The following ZFHX3 variants were observed in gnomAD, a reference collection of about 807,000 sequenced individuals.
ZFHX3 encodes zinc finger homeobox protein 3.
In ZFHX3, 42 loss-of-function variants were observed where a neutral mutation model predicts 279.1. The ratio of observed to expected loss-of-function variants is 0.15; its 90% CI spans 0.12 to 0.19. The LOEUF (loss-of-function observed/expected upper bound fraction) is 0.19, where lower values mean the gene tolerates loss of function less well. ZFHX3 is among the 10% of genes least tolerant of loss of function. The pLI is 1.00. For missense variants in ZFHX3, 4,981 were observed against 4,754.0 expected, an observed-to-expected ratio of 1.05 and a Z score of -1.40; for synonymous variants, 2,293 against 1,957.8, an observed-to-expected ratio of 1.17 and a Z score of -4.52.
At chr16:72,976,973 T>C (rs1348724675) in intron 1 of ZFHX3, among the ~76,000 whole-genome samples, 1 of 152,212 alleles carries the variant, frequency 6.6e-6, no homozygotes, top group African/African-American at 2.4e-5. Flanking sequence ...ATATTTTAGG[T>C]TGACCATTTC....
chr16:72,806,829 T>C (rs1597256451), intron 7 of ZFHX3, among the ~76,000 whole-genome samples: 1 of 152,002 alleles, frequency 6.6e-6, no homozygotes, highest in Non-Finnish European at 1.5e-5. Context: ...AATTAAGAAC[T>C]ACCAAAGGGA....
chr16:73,171,554 C>T (rs58523152), intron 5 of ZFHX3, among the ~76,000 whole-genome samples: 1 of 151,958 alleles, frequency 6.6e-6, no homozygotes, highest in Non-Finnish European at 1.5e-5. Context: ...ATTTCACAGC[C>T]GCAAAGGGGA....
chr16:73,110,473 T>A (rs1208590918), intron 7 of ZFHX3, among the ~76,000 whole-genome samples: 3 of 152,256 alleles, frequency 2.0e-5, no homozygotes, highest in African/African-American at 7.2e-5. Flanking sequence ...TATGTAATTT[T>A]AAAAACATAT....
chr16:73,821,186 A>G (rs1450666779), intron 1 of ZFHX3, among the ~76,000 whole-genome samples: 1 of 152,198 alleles, frequency 6.6e-6, no homozygotes, highest in Non-Finnish European at 1.5e-5. Flanking sequence ...AATCTGTAAA[A>G]TGTTATACTC....
rs190486809 is a variant in ZFHX3 at position 73,814,612 on chromosome 16, G to A, written c.-1608+77039C>T. ...GATGGAGTTTCGCTCTTGTTGCCCA[G>A]GCTGGAGTGCAGTGGCGCAATCTCA... On this transcript the variant is annotated intron_variant, in intron 1 of 17. Coordinates refer to the ZFHX3 transcript ENST00000641206. Among the ~76,000 whole-genome samples, 912 of 150,316 alleles carry A rather than the reference G, an allele frequency of 6.1e-3. 9 individuals are homozygous for A. Among genetic ancestry groups the A allele is most frequent in the African/African-American group, 0.02 (834 of 40,784 alleles).
In ZFHX3 at chr16:72,787,743, ACCGCCGCCGCCG is replaced by A; in HGVS notation, c.10521_10532del (p.Gly3509_Gly3512del). The A allele has an allele frequency of 7.3e-7, 1 of 1,376,206 alleles. No individual in the cohort carries two copies. The highest frequency in any genetic ancestry group is 9.5e-7 in the Non-Finnish European group (1 of 1,052,098). The allele number at this position is 1,376,206 out of a possible 1,614,324, so 85.2% of individuals were successfully genotyped here. ...CACCGCCGCCGCCGCCGCCACTGCC[ACCGCCGCCGCCG>A]CCGGTGGGGACGTGAAGCACCATCT... On this transcript the variant is annotated inframe_deletion, in exon 10 of 10. Transcript: ENST00000268489.
chr16:73,209,657 G>T (rs1208742362), intron 5 of ZFHX3, among the ~76,000 whole-genome samples: 1 of 152,116 alleles, frequency 6.6e-6, no homozygotes, highest in African/African-American at 2.4e-5. Context: ...TCAAACTATA[G>T]CTGGTATTGT....
In ZFHX3 at chr16:73,706,975, G is replaced by C. The variant is rs111968398; in HGVS notation, c.-1607-26735C>G. On this transcript the variant is annotated intron_variant, in intron 1 of 17. Coordinates refer to the ZFHX3 transcript ENST00000641206. ...TGCACACAGTAGGAGTTTAATATTT[G>C]TTGAATCAATGTTTTGTGTTTTTAA... Among the ~76,000 whole-genome samples, 666 of 152,236 alleles carry C rather than the reference G, an allele frequency of 4.4e-3. 5 individuals carry two copies. The highest frequency in any genetic ancestry group is 0.015 in the African/African-American group (616 of 41,532).
chr16:73,821,287 G>C (rs1343153633), intron 1 of ZFHX3, among the ~76,000 whole-genome samples: 1 of 152,198 alleles, frequency 6.6e-6, no homozygotes, highest in Non-Finnish European at 1.5e-5. Flanking sequence ...CCAGCACAGA[G>C]GTCTCTCCTG....
intron 3 of ZFHX3, among the ~76,000 whole-genome samples, chr16:73,450,139 C>T (rs551861801): frequency 6.6e-6 from 1 of 152,288 alleles, no homozygotes; most frequent in South Asian, 2.1e-4. Context: ...CCTATAGTTA[C>T]CATTACTGTG....
At chr16:73,471,776 T>C (rs1334100893) in intron 2 of ZFHX3, among the ~76,000 whole-genome samples, 1 of 152,188 alleles carries the variant, frequency 6.6e-6, no homozygotes, top group Non-Finnish European at 1.5e-5. Context: ...TAAAGGAGAC[T>C]CAAGTATCTC....
At chr16:72,808,200 A>G (rs144577527) in intron 7 of ZFHX3, 1 of 152,318 alleles carries the variant, frequency 6.6e-6, no homozygotes, top group East Asian at 1.9e-4. Context: ...TTTTACACCA[A>G]ATTTTTCAGA....
chr16:73,663,947 C>T (rs1199712123), intron 2 of ZFHX3, among the ~76,000 whole-genome samples: 1 of 152,190 alleles, frequency 6.6e-6, no homozygotes, highest in East Asian at 1.9e-4. Context: ...CTCAGCAGGC[C>T]ATCGAGCTCA....
In ZFHX3 at chr16:73,839,507, T is replaced by C. The variant is rs140214634; in HGVS notation, c.-1608+52144A>G. Among the ~76,000 whole-genome samples the C allele has an allele frequency of 9.9e-5, 15 of 152,200 alleles. No individual in the cohort carries two copies. In the East Asian group the frequency reaches 2.7e-3, roughly 27 times the overall value. On this transcript the variant is annotated intron_variant, in intron 1 of 17. Coordinates refer to the ZFHX3 transcript ENST00000641206. ...TCCTTGCATTCCCCTACCTAAGCAA[T>C]CACTATGATGAAAAAATCAAATCAT...
intron 3 of ZFHX3, among the ~76,000 whole-genome samples, chr16:73,331,861 A>G (rs564567756): frequency 6.6e-6 from 1 of 152,314 alleles, no homozygotes; most frequent in African/African-American, 2.4e-5. Flanking sequence ...CCACGAGTAA[A>G]GCTTTCATCT....
chr16:73,439,558 G>A (rs941456769), intron 3 of ZFHX3, among the ~76,000 whole-genome samples: 6 of 152,124 alleles, frequency 3.9e-5, no homozygotes, highest in African/African-American at 1.4e-4. Context: ...TTCACTCCCT[G>A]TGTGATGTAT....
At chr16:73,160,506 C>T (rs1967204411) in intron 5 of ZFHX3, among the ~76,000 whole-genome samples, 1 of 152,160 alleles carries the variant, frequency 6.6e-6, no homozygotes, top group Non-Finnish European at 1.5e-5. Context: ...GTGTAGTTTT[C>T]TGTCCCCTTT....
chr16:73,463,871 G>A (rs2018515215), intron 2 of ZFHX3, among the ~76,000 whole-genome samples: 1 of 152,206 alleles, frequency 6.6e-6, no homozygotes, highest in Non-Finnish European at 1.5e-5. Context: ...AAAATGGTCC[G>A]CAGTGACTCT....
intron 4 of ZFHX3, among the ~76,000 whole-genome samples, chr16:72,856,957 AGCC>A (rs2037768052): frequency 6.6e-6 from 1 of 152,246 alleles, no homozygotes; most frequent in Non-Finnish European, 1.5e-5. Context: ...CCAGTAGGGC[AGCC>A]AGTAAGGAGA....
Sources: gnomAD v4.1 joint callset for allele counts (sites outside exome capture counted in the v4.1 genomes callset) on GRCh38, gnomAD v4.1.1 for gene constraint, MANE v1.5 for transcripts, NCBI Gene and HGNC (gene_info 2026-07-23, HGNC 2026-07-21) for gene names.